ASIC2: variants seen among roughly 807,000 people sequenced by gnomAD.
The protein encoded by ASIC2 is acid-sensing ion channel 2.
A neutral mutation model predicts 57.3 loss-of-function variants in ASIC2; 25 were observed. That is an observed-to-expected ratio of 0.44 (90% CI 0.32 to 0.61). The LOEUF (loss-of-function observed/expected upper bound fraction) is 0.61. ASIC2 is among the 20% of genes least tolerant of loss of function. The probability of loss-of-function intolerance (pLI) is 0.06; values close to 1 mark genes in which losing one functional copy is unlikely to be tolerated. For missense variants in ASIC2, 641 were observed against 738.1 expected (o/e 0.87, Z 1.52); for synonymous variants, 319 against 307.5 (o/e 1.04, Z -0.39).
intron 1 of ASIC2, among the ~76,000 whole-genome samples, chr17:33,539,580 G>A (rs745450926): frequency 9.9e-5 from 15 of 152,204 alleles, no homozygotes; most frequent in African/African-American, 3.4e-4. Context: ...TGCAACCATC[G>A]TGCATCACCA....
intron 3 of ASIC2, among the ~76,000 whole-genome samples, chr17:33,047,528 C>G (rs1267274667): frequency 6.6e-6 from 1 of 151,984 alleles, no homozygotes; most frequent in African/African-American, 2.4e-5. Context: ...TTTGTAGAGA[C>G]AGGGTCTCAC....
chr17:34,039,501 T>C, intron 1 of ASIC2: 1 of 1,613,878 alleles, frequency 6.2e-7, no homozygotes, highest in East Asian at 2.2e-5. Flanking sequence ...GGGGCTGTTC[T>C]ACTCGTCGCG....
chr17:33,992,258 A>G (rs1256609256), intron 1 of ASIC2, among the ~76,000 whole-genome samples: 1 of 152,230 alleles, frequency 6.6e-6, no homozygotes. Context: ...GCAGAATTAT[A>G]TCTTCTCAGT....
intron 1 of ASIC2, among the ~76,000 whole-genome samples, chr17:33,229,257 G>T (rs1161051097): frequency 6.6e-6 from 1 of 152,174 alleles, no homozygotes; most frequent in Non-Finnish European, 1.5e-5. Context: ...TAAGCCCTAC[G>T]GAAATTACAA....
chr17:34,001,802 T>A (rs1276088172), intron 1 of ASIC2: 1 of 152,270 alleles, frequency 6.6e-6, no homozygotes, highest in East Asian at 1.9e-4. Context: ...TGTGTTCCAC[T>A]TGGGTGCTGT....
intron 1 of ASIC2, among the ~76,000 whole-genome samples, chr17:33,684,851 C>A (rs576228011): frequency 1.3e-5 from 2 of 151,766 alleles, no homozygotes; most frequent in Non-Finnish European, 2.9e-5. Flanking sequence ...TCAAGAGCAC[C>A]GTCTTGTGGG....
At chr17:33,031,253 T>C (rs2091882090) in intron 3 of ASIC2, among the ~76,000 whole-genome samples, 1 of 152,178 alleles carries the variant, frequency 6.6e-6, no homozygotes, top group Non-Finnish European at 1.5e-5. Flanking sequence ...AGTTGTGTTT[T>C]TTCCCCAAGG....
intron 1 of ASIC2, among the ~76,000 whole-genome samples, chr17:33,479,880 G>A (rs1401590172): frequency 6.6e-6 from 1 of 152,092 alleles, no homozygotes; most frequent in African/African-American, 2.4e-5. Flanking sequence ...CGGAACCCTG[G>A]TTCATGGTAA....
At chr17:33,222,071 G>A (rs908081405) in intron 1 of ASIC2, among the ~76,000 whole-genome samples, 2 of 152,174 alleles carry the variant, frequency 1.3e-5, no homozygotes, top group African/African-American at 4.8e-5. Context: ...AGAGAGTATG[G>A]TGGCTTGATA....
At chr17:33,457,090 T>C (rs1322973175) in intron 1 of ASIC2, among the ~76,000 whole-genome samples, 13 of 152,200 alleles carry the variant, frequency 8.5e-5, no homozygotes, top group Admixed American at 1.3e-4. Flanking sequence ...ATGAATCATA[T>C]CTAATAAATT....
At chr17:33,992,121 C>A (rs922763536) in intron 1 of ASIC2, among the ~76,000 whole-genome samples, 3 of 152,064 alleles carry the variant, frequency 2.0e-5, no homozygotes, top group Non-Finnish European at 4.4e-5. Flanking sequence ...AGAACTGGAC[C>A]GGTTTGGTGG....
At chr17:33,866,749 G>A (rs1290261736) in intron 1 of ASIC2, among the ~76,000 whole-genome samples, 1 of 152,176 alleles carries the variant, frequency 6.6e-6, no homozygotes, top group Non-Finnish European at 1.5e-5. Context: ...ATTGAGTGAG[G>A]AAGTGGGGTC....
chr17:33,220,782 G>A (rs1907659740), intron 1 of ASIC2, among the ~76,000 whole-genome samples: 1 of 152,128 alleles, frequency 6.6e-6, no homozygotes, highest in Admixed American at 6.6e-5. Flanking sequence ...AATTCCAGAT[G>A]TAGGGCCAGG....
At chr17:34,143,032 G>C (rs1002279402) in intron 1 of ASIC2, 12 of 152,214 alleles carry the variant, frequency 7.9e-5, no homozygotes, top group African/African-American at 2.9e-4. Context: ...CACAGAATCA[G>C]GGTAAGAGAG....
At chr17:34,074,782 C>CTT (rs35010578) in intron 1 of ASIC2, among the ~76,000 whole-genome samples, 4,157 of 113,846 alleles carry the variant, frequency 0.037, 147 homozygotes, top group Non-Finnish European at 0.055. Context: ...TTCTTTCTTT[C>CTT]TTTTTTTTTT....
chr17:33,465,120 G>A (rs191404783), intron 1 of ASIC2, among the ~76,000 whole-genome samples: 11 of 152,274 alleles, frequency 7.2e-5, no homozygotes, highest in African/African-American at 2.4e-4. Context: ...GAAGCAGACT[G>A]TTAAGAAAAT....
chr17:33,243,874 C>T (rs564589520), intron 1 of ASIC2, among the ~76,000 whole-genome samples: 2 of 152,112 alleles, frequency 1.3e-5, no homozygotes, highest in Middle Eastern at 3.2e-3. Flanking sequence ...ACAATCTAAC[C>T]GGGAGTTGGG....
intron 1 of ASIC2, among the ~76,000 whole-genome samples, chr17:33,187,444 G>C (rs1268706070): frequency 6.6e-6 from 1 of 152,064 alleles, no homozygotes; most frequent in African/African-American, 2.4e-5. Context: ...TTACACTATA[G>C]GAACAAACAA....
chr17:33,588,614 CAGAA>C (rs1371688903), intron 1 of ASIC2, among the ~76,000 whole-genome samples: 1 of 152,126 alleles, frequency 6.6e-6, no homozygotes, highest in Non-Finnish European at 1.5e-5. Flanking sequence ...ATGGGGAAGA[CAGAA>C]AGAGTAAACA....
Sources: allele counts gnomAD v4.1 joint callset (sites outside exome capture counted in the v4.1 genomes callset), GRCh38; gene constraint gnomAD v4.1.1; transcripts MANE v1.5; gene names NCBI Gene and HGNC (gene_info 2026-07-23, HGNC 2026-07-21).